AFF4: variants seen among roughly 807,000 people sequenced by gnomAD.
AFF4 encodes the protein AF4/FMR2 family member 4.
Under a neutral mutation model 124.8 loss-of-function variants are expected in AFF4, and 13 were observed. The ratio of observed to expected loss-of-function variants is 0.10; its 90% CI spans 0.07 to 0.17. The LOEUF is 0.17. Ranked by LOEUF, AFF4 falls within the 10% of genes least tolerant of loss-of-function variation. The pLI is 1.00. For synonymous variants in AFF4, 477 were observed against 496.1 expected, an observed-to-expected ratio of 0.96 and a Z score of 0.51; for missense variants, 1,092 against 1,403.8, an observed-to-expected ratio of 0.78 and a Z score of 3.55.
intron 3 of AFF4, among the ~76,000 whole-genome samples, chr5:132,933,917 T>C (rs1761358945): frequency 6.6e-6 from 1 of 152,246 alleles, no homozygotes. Context: ...ATCTAAGTAT[T>C]TGAAAACTGT....
At chr5:132,949,520 G>A (rs1421676923) in intron 1 of AFF4, among the ~76,000 whole-genome samples, 4 of 151,900 alleles carry the variant, frequency 2.6e-5, no homozygotes, top group African/African-American at 9.7e-5. Context: ...CTTAAAAAAT[G>A]TAAAAATTAG....
chr5:132,899,419 G>A (rs1439522329), intron 8 of AFF4, among the ~76,000 whole-genome samples, 168 bp downstream of exon 8: 4 of 151,736 alleles, frequency 2.6e-5, no homozygotes, highest in South Asian at 4.2e-4. Context: ...AAAAAAATAA[G>A]AAAAAAATGG....
chr5:132,898,115 G>A, intron 10 of AFF4, 115 bp downstream of exon 10: 1 of 1,315,170 alleles, frequency 7.6e-7, no homozygotes, highest in Non-Finnish European at 1.0e-6. Context: ...ATTTCTTTTT[G>A]TCAGACTATG....
At chr5:132,904,450 A>T in intron 5 of AFF4, 46 bp from the exon 6 acceptor site, 1 of 1,512,182 alleles carries the variant, frequency 6.6e-7, no homozygotes, top group Non-Finnish European at 9.0e-7. Flanking sequence ...ACTAAAAAAG[A>T]AAGATTAGTG....
intron 2 of AFF4, among the ~76,000 whole-genome samples, chr5:132,935,953 GA>G (rs1761418661): frequency 6.6e-6 from 1 of 151,126 alleles, no homozygotes; most frequent in Admixed American, 6.6e-5. Flanking sequence ...TTGAAGAACA[GA>G]AAAGTAATCT....
At chr5:132,935,482 C>T (rs191330024) in intron 2 of AFF4, among the ~76,000 whole-genome samples, 44 of 151,538 alleles carry the variant, frequency 2.9e-4, no homozygotes, top group Non-Finnish European at 4.7e-4. Context: ...AAACGTTAGC[C>T]GGGTGTGGCC....
chr5:132,930,217 T>C (rs931866068), intron 4 of AFF4, among the ~76,000 whole-genome samples: 12 of 152,010 alleles, frequency 7.9e-5, no homozygotes, highest in Non-Finnish European at 1.2e-4. Context: ...AAAGACTAAA[T>C]AGCTGTCTAA....
chr5:132,932,736 T>C (rs1761329613), intron 3 of AFF4, among the ~76,000 whole-genome samples: 1 of 152,204 alleles, frequency 6.6e-6, no homozygotes, highest in Non-Finnish European at 1.5e-5. Context: ...AAACAAGTAT[T>C]ACTGAAAGAT....
intron 5 of AFF4, among the ~76,000 whole-genome samples, chr5:132,926,432 T>G (rs1271650031): frequency 6.6e-6 from 1 of 152,162 alleles, no homozygotes; most frequent in Non-Finnish European, 1.5e-5. Context: ...ACGGGACAAG[T>G]ATGGTTGCTA....
At chr5:132,941,988 CAG>C (rs1294938210) in intron 1 of AFF4, among the ~76,000 whole-genome samples, 3 of 145,208 alleles carry the variant, frequency 2.1e-5, no homozygotes, top group Non-Finnish European at 4.5e-5. Flanking sequence ...GCCCGGGGAA[CAG>C]AGCAAGACTC....
At chr5:132,938,288 CAG>C (rs1330643185) in intron 1 of AFF4, among the ~76,000 whole-genome samples, 2 of 143,688 alleles carry the variant, frequency 1.4e-5, no homozygotes, top group African/African-American at 5.2e-5. Context: ...TTTTTTGAAA[CAG>C]AGTCTTGCTC....
chr5:132,885,085 C>A lies in AFF4; in HGVS notation c.3134G>T (p.Gly1045Val). Residue 1045 changes from glycine (G) to valine (V), a missense_variant, in exon 19 of 21, where the codon GGC becomes GTC. By Grantham distance (109) the Gly-to-Val change is moderately radical. Coordinates refer to ENST00000265343, the MANE Select transcript of AFF4 (RefSeq NM_014423.4). ...ATAAAATTTTACCTACCTTCCCAAG[C>A]CAGGCGATGGTGCTTGAGAATTATT... ...SYNNSQAPSPGLGSKAVGMPS... is the reference protein window; with the variant it reads ...SYNNSQAPSPVLGSKAVGMPS... 6.3e-7 allele frequency: 1 copy of A among 1,596,272 alleles called. No homozygotes were observed. Among genetic ancestry groups the A allele is most frequent in the African/African-American group, 1.3e-5 (1 of 74,246 alleles).
intron 14 of AFF4, 26 bp downstream of exon 14, chr5:132,889,053 A>T: frequency 6.3e-7 from 1 of 1,577,010 alleles, no homozygotes; most frequent in Non-Finnish European, 8.7e-7. Context: ...TCTTAAATAC[A>T]GATACAAAAA....
rs1165163402 is a variant in AFF4 at position 132,886,393 on chromosome 5, C to T, written c.3016G>A (p.Glu1006Lys). ...KRLTVLCLRC[E>K]SLLYLRLFKL... The stretch of plus-strand genomic sequence containing the variant: ...AACAGCCTCAGGTACAGCAAAGACT[C>T]GCATCGCAGGCTAGCCAATGGAAAA... The change falls in exon 18 of 21, where the codon GAG becomes AAG. Residue 1006 changes from glutamate to lysine, a missense_variant. Physicochemically the swap from Glu to Lys is moderately conservative, Grantham distance 56 (BLOSUM62 1). Coordinates refer to ENST00000265343, the MANE Select transcript of AFF4 (RefSeq NM_014423.4). 5 of 1,613,866 alleles carry T rather than the reference C, an allele frequency of 3.1e-6. No homozygotes were observed. The highest frequency in any genetic ancestry group is 4.2e-6 in the Non-Finnish European group (5 of 1,180,010).
At chr5:132,897,711 A>T (rs1760445359) in intron 10 of AFF4, among the ~76,000 whole-genome samples, 1 of 38,490 alleles carries the variant, frequency 2.6e-5, no homozygotes, top group Non-Finnish European at 6.9e-5. Flanking sequence ...CTCCATCTTA[A>T]AAAAAAAAAA....
chr5:132,926,393 T>C (rs1397317402), intron 5 of AFF4, among the ~76,000 whole-genome samples: 1 of 152,198 alleles, frequency 6.6e-6, no homozygotes, highest in Middle Eastern at 3.2e-3. Flanking sequence ...TAAACAACCT[T>C]GGAACTGTTA....
rs1760448505 is a variant in AFF4, at chr5:132,897,856, AAG to A, written c.1389+372_1389+373del. Among the ~76,000 whole-genome samples the A allele has an allele frequency of 2.6e-5, 4 of 152,228 alleles. No homozygotes were observed. In the South Asian group the frequency reaches 8.3e-4, roughly 31 times the overall value. ...AAAGTAAACAAATGATGTAGGTACAAAGAGATTTTTAACTGCAATTTAACAAG... is the reference window on the plus strand; with the variant it reads ...AAAGTAAACAAATGATGTAGGTACAAAGATTTTTAACTGCAATTTAACAAG... On this transcript the variant is annotated intron_variant, in intron 10 of 20. Transcript: ENST00000265343.
Position 132,896,978 on chromosome 5 carries a change from G to A in AFF4, c.1652C>T (p.Ala551Val), listed in dbSNP as rs1234289384. ...ESGRGRQKSP[A>V]QSDSTTQRRT... ...TCTCTGTGTTGTGCTGTCACTCTGT[G>A]CAGGAGATTTCTGCCTCCCACGCCC... is the stretch of plus-strand genomic sequence containing the variant. Residue 551 changes from alanine (A) to valine (V), a missense_variant, in exon 11 of 21, where the codon GCA becomes GTA. Coordinates refer to ENST00000265343, the MANE Select transcript of AFF4 (RefSeq NM_014423.4). 4 of 1,614,168 alleles carry A rather than the reference G, an allele frequency of 2.5e-6. No homozygotes were observed. Among genetic ancestry groups the A allele is most frequent in the Non-Finnish European group, 3.4e-6 (4 of 1,180,040 alleles).
chr5:132,963,518 G>A lies in AFF4; in HGVS notation c.-264C>T. 1 of 398,140 alleles carries A rather than the reference G, an allele frequency of 2.5e-6. No individual in the cohort carries two copies. Among genetic ancestry groups the A allele is most frequent in the Non-Finnish European group, 4.4e-6 (1 of 225,714 alleles). The allele number at this position is 398,140 out of a possible 1,614,324, so 24.7% of individuals were successfully genotyped here. ...CTCCATGACGGTCGGGCCCGGGCTGGGACAGCTGACTGAGGCGGCGGGGGC... is the reference window on the plus strand; with the variant it reads ...CTCCATGACGGTCGGGCCCGGGCTGAGACAGCTGACTGAGGCGGCGGGGGC... On this transcript the variant is annotated 5_prime_UTR_variant, in exon 1 of 21. Transcript: ENST00000265343.
Sources: allele counts gnomAD v4.1 joint callset (sites outside exome capture counted in the v4.1 genomes callset), GRCh38; gene constraint gnomAD v4.1.1; transcripts MANE v1.5; gene names NCBI Gene and HGNC (gene_info 2026-07-23, HGNC 2026-07-21).